The following IL1RAPL2 variants were observed in gnomAD, a reference collection of about 807,000 sequenced individuals.
The protein encoded by IL1RAPL2 is interleukin 1 receptor accessory protein like 2, also known as X-linked interleukin-1 receptor accessory protein-like 2.
In IL1RAPL2, 3 loss-of-function variants were observed where a neutral mutation model predicts 44.1. The observed-to-expected ratio is 0.07, with a 90% confidence interval of 0.03 to 0.18. The LOEUF is 0.18. Ranked by LOEUF, IL1RAPL2 falls within the 10% of genes least tolerant of loss-of-function variation. IL1RAPL2 has a pLI of 1.00. For synonymous variants in IL1RAPL2, 181 were observed against 178.8 expected (o/e 1.01, Z -0.10); for missense variants, 391 against 496.4 (o/e 0.79, Z 2.02).
At chrX:105,445,293 A>G (rs1375491949) in intron 5 of IL1RAPL2, among the ~76,000 whole-genome samples, 1 of 111,460 alleles carries the variant, frequency 9.0e-6, no homozygotes, top group Admixed American at 9.6e-5. Context: ...TAGTTGGGCC[A>G]AAGACTTGTC....
At chrX:105,138,458 A>G (rs2033096078) in intron 2 of IL1RAPL2, among the ~76,000 whole-genome samples, 1 of 86,449 alleles carries the variant, frequency 1.2e-5, no homozygotes, top group African/African-American at 4.4e-5. Flanking sequence ...TTATAATCCA[A>G]TGACATATAA....
chrX:105,412,419 T>C (rs2035704289), intron 5 of IL1RAPL2, among the ~76,000 whole-genome samples: 1 of 108,857 alleles, frequency 9.2e-6, no homozygotes, highest in East Asian at 2.9e-4. Context: ...GGGGACACTA[T>C]GTTAAGTGAA....
chrX:105,314,372 A>G (rs996298897), intron 5 of IL1RAPL2, among the ~76,000 whole-genome samples: 1 of 110,486 alleles, frequency 9.1e-6, no homozygotes, highest in East Asian at 2.9e-4. Flanking sequence ...GATGCTCAGC[A>G]TGACATACTC....
intron 2 of IL1RAPL2, among the ~76,000 whole-genome samples, chrX:104,978,212 A>G (rs747851810): frequency 2.7e-5 from 3 of 112,304 alleles, no homozygotes; most frequent in African/African-American, 6.5e-5. Context: ...GTATATATGC[A>G]TCTTTAAAAG....
At chrX:105,125,363 T>C (rs1295398467) in intron 2 of IL1RAPL2, among the ~76,000 whole-genome samples, 1 of 110,920 alleles carries the variant, frequency 9.0e-6, no homozygotes, top group Non-Finnish European at 1.9e-5. Flanking sequence ...AGTCATTTAA[T>C]TATCCTAATC....
intron 2 of IL1RAPL2, among the ~76,000 whole-genome samples, chrX:105,145,498 CATTAGCAGGGGTCTAACTTT>C (rs1422463992): frequency 9.0e-6 from 1 of 111,639 alleles, no homozygotes; most frequent in Admixed American, 9.5e-5. Flanking sequence ...CTAAGAATAG[CATTAGCAGGGGTCTAACTTT>C]ATTAGATTCA....
At chrX:104,981,937 T>G (rs1029357063) in intron 2 of IL1RAPL2, among the ~76,000 whole-genome samples, 3 of 111,094 alleles carry the variant, frequency 2.7e-5, no homozygotes, top group African/African-American at 9.8e-5. Flanking sequence ...AAACATTGTT[T>G]ACTTTTACAA....
chrX:104,658,799 C>G (rs755691228), intron 1 of IL1RAPL2, 96 bp from the exon 2 acceptor site: 4 of 547,486 alleles, frequency 7.3e-6, no homozygotes, highest in Non-Finnish European at 1.2e-5. Flanking sequence ...CATTGTTTCT[C>G]TAATGGAGTT....
intron 2 of IL1RAPL2, among the ~76,000 whole-genome samples, chrX:104,744,397 T>C (rs1422854210): frequency 9.0e-6 from 1 of 111,669 alleles, no homozygotes; most frequent in Non-Finnish European, 1.9e-5. Flanking sequence ...GATTTGGCAA[T>C]ACAGGCAGCA....
At chrX:104,625,462 T>C (rs141593729) in intron 1 of IL1RAPL2, among the ~76,000 whole-genome samples, 1,452 of 111,779 alleles carry the variant, frequency 0.013, 24 homozygotes, top group African/African-American at 0.045. Flanking sequence ...ATGTACTTAT[T>C]ATAATAATGT....
At chrX:104,663,281 C>G (rs1930433971) in intron 2 of IL1RAPL2, among the ~76,000 whole-genome samples, 1 of 111,134 alleles carries the variant, frequency 9.0e-6, no homozygotes, top group Admixed American at 9.6e-5. Flanking sequence ...ACATTTCTGG[C>G]CAAAGCTAGA....
chrX:105,529,040 T>C (rs181899652), intron 6 of IL1RAPL2, among the ~76,000 whole-genome samples: 1 of 111,747 alleles, frequency 8.9e-6, no homozygotes, highest in East Asian at 2.8e-4. Context: ...GTAATTTAAG[T>C]TTATTTTAAA....
At chrX:105,284,361 G>A (rs139923293) in intron 5 of IL1RAPL2, among the ~76,000 whole-genome samples, 1,969 of 112,072 alleles carry the variant, frequency 0.018, 14 homozygotes, top group Non-Finnish European at 0.029. Flanking sequence ...AAGAAATATT[G>A]AGATATGCAC....
At chrX:105,500,204 A>G (rs2036383521) in intron 6 of IL1RAPL2, among the ~76,000 whole-genome samples, 2 of 111,203 alleles carry the variant, frequency 1.8e-5, no homozygotes, top group Non-Finnish European at 1.9e-5. Context: ...TTGCTGTTCA[A>G]TGGGTATAGA....
At chrX:104,635,902 G>C (rs1368496967) in intron 1 of IL1RAPL2, among the ~76,000 whole-genome samples, 2 of 109,320 alleles carry the variant, frequency 1.8e-5, no homozygotes, top group African/African-American at 3.3e-5. Context: ...GCATTCCTTT[G>C]GAGGAGGAGA....
intron 2 of IL1RAPL2, among the ~76,000 whole-genome samples, chrX:104,816,121 G>T (rs1412787225): frequency 9.0e-6 from 1 of 110,648 alleles, no homozygotes; most frequent in Non-Finnish European, 1.9e-5. Flanking sequence ...CTGACATGTG[G>T]CCTGCTTAGA....
At chrX:104,585,249 T>TC (rs1928491202) in intron 1 of IL1RAPL2, among the ~76,000 whole-genome samples, 2 of 28,388 alleles carry the variant, frequency 7.0e-5, no homozygotes, top group African/African-American at 3.4e-4. Context: ...TAATATATGA[T>TC]ATATAATATA....
chrX:105,361,404 G>C (rs975857810), intron 5 of IL1RAPL2, among the ~76,000 whole-genome samples: 1 of 111,135 alleles, frequency 9.0e-6, no homozygotes, highest in African/African-American at 3.3e-5. Context: ...AATATTTATT[G>C]ATATAATATT....
intron 2 of IL1RAPL2, among the ~76,000 whole-genome samples, chrX:104,974,323 T>A (rs1423278393): frequency 8.9e-6 from 1 of 112,096 alleles, no homozygotes; most frequent in Non-Finnish European, 1.9e-5. Context: ...TAGCTAAAAA[T>A]CTTAAAGTTA....
Sources: gnomAD v4.1 joint callset for allele counts (sites outside exome capture counted in the v4.1 genomes callset) on GRCh38, gnomAD v4.1.1 for gene constraint, MANE v1.5 for transcripts, NCBI Gene and HGNC (gene_info 2026-07-23, HGNC 2026-07-21) for gene names.